The following RARB variants were observed in gnomAD, a reference collection of about 807,000 sequenced individuals.
The protein encoded by RARB is HBV-activated protein.
A neutral mutation model predicts 51.9 loss-of-function variants in RARB; 17 were observed. That is an observed-to-expected ratio of 0.33 (90% CI 0.22 to 0.49). RARB has a LOEUF of 0.49. Ranked by LOEUF, RARB falls within the 20% of genes least tolerant of loss-of-function variation. The pLI is 0.99. For synonymous variants in RARB, 215 were observed against 195.4 expected (o/e 1.10, Z -0.84); for missense variants, 369 against 550.8 (o/e 0.67, Z 3.30).
intron 3 of RARB, among the ~76,000 whole-genome samples, chr3:25,536,015 G>A (rs929918250): frequency 3.9e-5 from 6 of 152,124 alleles, no homozygotes; most frequent in South Asian, 2.1e-4. Context: ...AGCTATTAGC[G>A]AAGGTGAGGA....
chr3:25,186,498 G>A (rs1700977919), intron 5 of RARB, among the ~76,000 whole-genome samples: 2 of 152,054 alleles, frequency 1.3e-5, no homozygotes, highest in African/African-American at 2.4e-5. Flanking sequence ...AATGTTTATG[G>A]TAGCACTGGT....
intron 3 of RARB, among the ~76,000 whole-genome samples, chr3:25,074,314 A>G (rs1698827982): frequency 6.6e-6 from 1 of 152,234 alleles, no homozygotes; most frequent in Non-Finnish European, 1.5e-5. Context: ...GGTGGCTAAA[A>G]ATAGCATCTG....
At chr3:25,188,069 T>G (rs1701017242) in intron 5 of RARB, among the ~76,000 whole-genome samples, 1 of 152,150 alleles carries the variant, frequency 6.6e-6, no homozygotes, top group Admixed American at 6.6e-5. Flanking sequence ...TTAATAGAAT[T>G]AAATATTAAG....
intron 5 of RARB, among the ~76,000 whole-genome samples, chr3:25,321,765 A>G (rs1000283360): frequency 1.3e-5 from 2 of 152,000 alleles, no homozygotes; most frequent in Non-Finnish European, 1.5e-5. Context: ...TGAGTCTTGA[A>G]TCAATGCAAA....
intron 2 of RARB, among the ~76,000 whole-genome samples, chr3:24,970,574 AAC>A (rs60292267): frequency 0.054 from 8,065 of 148,814 alleles, 398 homozygotes; most frequent in African/African-American, 0.13. Flanking sequence ...AAGTCATGTA[AAC>A]ACACACACAC....
chr3:25,048,836 AG>A (rs1698269227), intron 2 of RARB, among the ~76,000 whole-genome samples: 1 of 144,648 alleles, frequency 6.9e-6, no homozygotes, highest in Non-Finnish European at 1.5e-5. Flanking sequence ...GCTCACTGCA[AG>A]CTCCGCCTCC....
At chr3:25,026,218 T>A (rs1356289439) in intron 2 of RARB, among the ~76,000 whole-genome samples, 2 of 152,204 alleles carry the variant, frequency 1.3e-5, no homozygotes, top group Non-Finnish European at 2.9e-5. Context: ...AGTTGACCCA[T>A]GTGTAAGGAG....
chr3:24,996,231 C>A (rs73820379), intron 2 of RARB, among the ~76,000 whole-genome samples: 13,014 of 151,896 alleles, frequency 0.086, 1,753 homozygotes, highest in African/African-American at 0.29. Flanking sequence ...CTAGTTTTTC[C>A]AATTTAATGG....
At chr3:24,871,088 G>T (rs1016936873) in intron 2 of RARB, among the ~76,000 whole-genome samples, 9 of 151,776 alleles carry the variant, frequency 5.9e-5, no homozygotes, top group Admixed American at 5.9e-4. Context: ...ATGAGTTCAG[G>T]TTTAATTATT....
chr3:25,380,932 C>G (rs1359751306), intron 5 of RARB, among the ~76,000 whole-genome samples: 1 of 152,148 alleles, frequency 6.6e-6, no homozygotes, highest in Admixed American at 6.6e-5. Context: ...CTCTCCCATC[C>G]TTATCTCCTG....
In RARB at chr3:25,539,038, G is replaced by A. The variant is rs979087931; in HGVS notation, c.449-30720G>A. ...GGTTTCTTTGTGTATAATTAACCTT[G>A]AATGATCTATGAACAGACAACCGTT... is the stretch of plus-strand genomic sequence containing the variant. On this transcript the variant is annotated intron_variant, in intron 3 of 7. Transcript: ENST00000330688. Among the ~76,000 whole-genome samples, 14 of 152,288 alleles carry A rather than the reference G, an allele frequency of 9.2e-5. 5 individuals carry two copies. Among genetic ancestry groups the A allele is most frequent in the African/African-American group, 2.4e-5 (1 of 41,562 alleles).
chr3:24,898,225 C>G (rs1476747657), intron 2 of RARB, among the ~76,000 whole-genome samples: 1 of 151,952 alleles, frequency 6.6e-6, no homozygotes, highest in Non-Finnish European at 1.5e-5. Flanking sequence ...CTCTCATACC[C>G]AACCCACTGG....
chr3:25,410,167 G>A (rs559765338), intron 5 of RARB, among the ~76,000 whole-genome samples: 1 of 152,270 alleles, frequency 6.6e-6, no homozygotes, highest in Non-Finnish European at 1.5e-5. Flanking sequence ...ACAGAGTGTG[G>A]GTTAGTCTGT....
chr3:25,322,934 A>G (rs1392408357), intron 5 of RARB, among the ~76,000 whole-genome samples: 1 of 152,186 alleles, frequency 6.6e-6, no homozygotes, highest in Non-Finnish European at 1.5e-5. Context: ...TCTATTGCCT[A>G]TGATTCTGTG....
chr3:25,254,031 G>T (rs1702796654), intron 5 of RARB, among the ~76,000 whole-genome samples: 1 of 152,080 alleles, frequency 6.6e-6, no homozygotes, highest in Admixed American at 6.6e-5. Flanking sequence ...ACAAAATCTA[G>T]GAAAAGTAAT....
Position 25,553,747 on chromosome 3 carries a change from C to T in RARB, c.449-16011C>T, listed in dbSNP as rs141414163. Among the ~76,000 whole-genome samples, 669 of 152,292 alleles carry T rather than the reference C, an allele frequency of 4.4e-3. 1 individual carries two copies. The highest frequency in any genetic ancestry group is 6.7e-3 in the Admixed American group (102 of 15,296). Reference sequence around the variant, plus strand: ...CCTGGCAGGATTGGACGCCATCCTTCGTTCCCAGGCCTCATGAGAATCGAA... The same window carrying T: ...CCTGGCAGGATTGGACGCCATCCTTTGTTCCCAGGCCTCATGAGAATCGAA... On this transcript the variant is annotated intron_variant, in intron 3 of 7. Coordinates refer to ENST00000330688, the MANE Select transcript of RARB (RefSeq NM_000965.5).
At chr3:25,503,537 A>G (rs1486756429) in intron 3 of RARB, among the ~76,000 whole-genome samples, 1 of 152,308 alleles carries the variant, frequency 6.6e-6, no homozygotes, top group East Asian at 1.9e-4. Context: ...TAATGTTTAC[A>G]CCCACAGGAA....
intron 3 of RARB, among the ~76,000 whole-genome samples, chr3:25,522,193 G>T (rs996090826): frequency 6.6e-6 from 1 of 151,984 alleles, no homozygotes; most frequent in African/African-American, 2.4e-5. Flanking sequence ...GAAGATAATT[G>T]AAGTTGTAAT....
At chr3:24,928,130 T>G (rs969703076) in intron 2 of RARB, among the ~76,000 whole-genome samples, 4 of 152,030 alleles carry the variant, frequency 2.6e-5, no homozygotes, top group African/African-American at 9.7e-5. Context: ...GGTAGAATTT[T>G]GAGGTCTAAG....
Sources: allele counts gnomAD v4.1 joint callset (sites outside exome capture counted in the v4.1 genomes callset), GRCh38; gene constraint gnomAD v4.1.1; transcripts MANE v1.5; gene names NCBI Gene and HGNC (gene_info 2026-07-23, HGNC 2026-07-21).